MTNAP1: variants seen among roughly 807,000 people sequenced by gnomAD.
MTNAP1 encodes mitochondrial nucleoid-associated protein 1.
At chr17:73,232,641 G>A in the MTNAP1 span, 2 of 255,680 alleles carry the variant, frequency 7.8e-6, no homozygotes, top group Non-Finnish European at 1.5e-5. Context: ...TTCCTTGGCC[G>A]GGGGTTGGGC....
chr17:73,241,818 A>G, the MTNAP1 span, among the ~76,000 whole-genome samples: 2 of 152,086 alleles, frequency 1.3e-5, no homozygotes, highest in Non-Finnish European at 2.9e-5. Flanking sequence ...AATCCCAGCT[A>G]CTCGGGAGGC....
the MTNAP1 span, among the ~76,000 whole-genome samples, chr17:73,246,419 CCAGCTACT>C: frequency 2.2e-4 from 33 of 152,272 alleles, no homozygotes; most frequent in South Asian, 3.1e-3. Flanking sequence ...GCCTGTAGTC[CCAGCTACT>C]CAGGAGGTTG....
At chr17:73,236,540 T>G in the MTNAP1 span, 5 of 1,614,044 alleles carry the variant, frequency 3.1e-6, no homozygotes, top group Non-Finnish European at 3.4e-6. Context: ...AGACCACATT[T>G]AAGTTTGTTC....
chr17:73,248,451 C>A, the MTNAP1 span: 1 of 1,536,948 alleles, frequency 6.5e-7, no homozygotes, highest in Non-Finnish European at 8.8e-7. Context: ...GTGTTCTGCC[C>A]TGTCTGTGGC....
the MTNAP1 span, chr17:73,242,970 G>A: frequency 1.5e-5 from 24 of 1,613,560 alleles, no homozygotes; most frequent in African/African-American, 2.7e-5. Context: ...AGGATACTTC[G>A]TCCTGTGTTG....
At chr17:73,242,759 T>A in the MTNAP1 span, 1 of 641,796 alleles carries the variant, frequency 1.6e-6, no homozygotes, top group South Asian at 2.0e-5. Flanking sequence ...TTAGCCTTTA[T>A]GTGTTTAAAA....
chr17:73,238,110 G>T, the MTNAP1 span, among the ~76,000 whole-genome samples: 4 of 151,522 alleles, frequency 2.6e-5, no homozygotes, highest in African/African-American at 9.7e-5. Flanking sequence ...TCGGTTAACA[G>T]GAGGGAAGAC....
At chr17:73,248,380 T>G in the MTNAP1 span, 6 of 976,058 alleles carry the variant, frequency 6.1e-6, no homozygotes, top group Non-Finnish European at 9.5e-6. Context: ...ATTTACCATT[T>G]TAAACAGCCT....
the MTNAP1 span, chr17:73,242,271 A>C: frequency 1.7e-5 from 28 of 1,603,276 alleles, no homozygotes; most frequent in African/African-American, 2.7e-5. Context: ...AGCTCAACTC[A>C]TATAAGGAGT....
chr17:73,245,520 C>T, the MTNAP1 span: 1 of 985,324 alleles, frequency 1.0e-6, no homozygotes, highest in Non-Finnish European at 1.2e-6. Context: ...ATTAAGAAGT[C>T]ACTTCTCAGT....
At chr17:73,241,960 A>T in the MTNAP1 span, among the ~76,000 whole-genome samples, 1 of 152,288 alleles carries the variant, frequency 6.6e-6, no homozygotes, top group South Asian at 2.1e-4. Context: ...GACTCACTTC[A>T]TGAAGCACAT....
the MTNAP1 span, chr17:73,247,363 A>AGCCTTCGTGACTTCTCTCTAGT: frequency 1.2e-6 from 2 of 1,613,558 alleles, no homozygotes; most frequent in Non-Finnish European, 1.7e-6. Context: ...AAGTAGGAGA[A>AGCCTTCGTGACTTCTCTCTAGT]GCCTTCGTGA....
the MTNAP1 span, chr17:73,236,002 C>T: frequency 1.2e-6 from 2 of 1,614,160 alleles, no homozygotes; most frequent in Non-Finnish European, 1.7e-6. Context: ...AGCGTCTTTA[C>T]TGGTTGGCTC....
the MTNAP1 span, chr17:73,245,183 G>A: frequency 2.2e-4 from 348 of 1,573,208 alleles, 1 homozygote; most frequent in African/African-American, 3.0e-3. Flanking sequence ...CAGCGGTGGC[G>A]TAAGTAGTGT....
chr17:73,242,157 C>T, the MTNAP1 span: 1 of 803,628 alleles, frequency 1.2e-6, no homozygotes, highest in East Asian at 2.8e-5. Context: ...CTTCCTGAGG[C>T]TTAGCCGTGG....
chr17:73,234,557 G>A, the MTNAP1 span, among the ~76,000 whole-genome samples: 1 of 151,960 alleles, frequency 6.6e-6, no homozygotes, highest in Admixed American at 6.6e-5. Context: ...CTGGCGTGGT[G>A]GCGCATGCCT....
the MTNAP1 span, among the ~76,000 whole-genome samples, chr17:73,242,740 T>C: frequency 6.6e-6 from 1 of 152,224 alleles, no homozygotes. Context: ...AAGTTAAGGT[T>C]CTTTGATGTT....
the MTNAP1 span, chr17:73,236,915 T>G: frequency 6.2e-7 from 1 of 1,613,744 alleles, no homozygotes; most frequent in African/African-American, 1.3e-5. Flanking sequence ...CTAGGGGTGT[T>G]GCCAGGGAAG....
the MTNAP1 span, among the ~76,000 whole-genome samples, chr17:73,239,183 G>A: frequency 0.51 from 78,085 of 151,832 alleles, 20,164 homozygotes; most frequent in East Asian, 0.62. Context: ...TGATCTGCCC[G>A]CCTCAACCTC....
Sources: allele counts gnomAD v4.1 joint callset (sites outside exome capture counted in the v4.1 genomes callset), GRCh38; gene constraint gnomAD v4.1.1; transcripts MANE v1.5; gene names NCBI Gene and HGNC (gene_info 2026-07-23, HGNC 2026-07-21).